Variants in CDK19 observed in about 807,000 individuals in gnomAD.
The protein encoded by CDK19 is cyclin-dependent kinase 19.
In CDK19, 20 loss-of-function variants were observed where a neutral mutation model predicts 68.3. The observed-to-expected ratio is 0.29, with a 90% CI of 0.21 to 0.43. CDK19 has a LOEUF of 0.43. Ranked by LOEUF, CDK19 falls within the 20% of genes least tolerant of loss-of-function variation. CDK19 has a pLI of 1.00. For synonymous variants in CDK19, 221 were observed against 222.8 expected (o/e 0.99, Z 0.07); for missense variants, 339 against 623.5 (o/e 0.54, Z 4.86).
chr6:110,705,659 T>C (rs1049697776), intron 2 of CDK19, among the ~76,000 whole-genome samples: 1 of 152,232 alleles, frequency 6.6e-6, no homozygotes, highest in Non-Finnish European at 1.5e-5. Context: ...GAGAGGATAT[T>C]GTTATGAAAA....
chr6:110,809,394 C>T (rs1201163952), intron 1 of CDK19, among the ~76,000 whole-genome samples: 1 of 152,034 alleles, frequency 6.6e-6, no homozygotes, highest in South Asian at 2.1e-4. Context: ...GCACGTGCAT[C>T]TGTGGTCCTA....
At chr6:110,718,965 C>G (rs1478858971) in intron 2 of CDK19, among the ~76,000 whole-genome samples, 2 of 152,016 alleles carry the variant, frequency 1.3e-5, no homozygotes, top group Admixed American at 1.3e-4. Flanking sequence ...GTAAAGAGTT[C>G]TAAAGTCCTT....
rs540340343 is a variant in CDK19, at chr6:110,783,615, G to A, written c.128+31394C>T. Among the ~76,000 whole-genome samples, 190 of 150,634 alleles carry A rather than the reference G, an allele frequency of 1.3e-3. 1 individual carries two copies. The highest frequency in any genetic ancestry group is 4.4e-3 in the African/African-American group (181 of 41,042). On this transcript the variant is annotated intron_variant, in intron 1 of 12. Coordinates refer to ENST00000368911, the MANE Select transcript of CDK19 (RefSeq NM_015076.5). ...ATCACACCATTGCTCTCCAGCCTGG[G>A]TGACAGAGTGAGATTCTGTCTCAAA... is the stretch of plus-strand genomic sequence containing the variant.
intron 1 of CDK19, among the ~76,000 whole-genome samples, chr6:110,793,453 C>T (rs1436200497): frequency 6.6e-6 from 1 of 152,142 alleles, no homozygotes; most frequent in Non-Finnish European, 1.5e-5. Flanking sequence ...TTTATACTTA[C>T]ATGGACATGA....
intron 4 of CDK19, chr6:110,646,497 G>T (rs1780586783): frequency 1.4e-6 from 2 of 1,423,566 alleles, no homozygotes; most frequent in Admixed American, 2.6e-5. Flanking sequence ...TTCTGTGCCA[G>T]CGTGGTGCCC....
chr6:110,732,832 C>G (rs991122247), intron 2 of CDK19, among the ~76,000 whole-genome samples: 1 of 151,858 alleles, frequency 6.6e-6, no homozygotes, highest in African/African-American at 2.4e-5. Context: ...TGTGGAGGGC[C>G]GAGGCAGGCG....
At chr6:110,814,736 C>G in intron 1 of CDK19, 1 of 631,718 alleles carries the variant, frequency 1.6e-6, no homozygotes, top group Non-Finnish European at 2.9e-6. Context: ...CGAGTCCCCC[C>G]GCCGTCTCCG....
chr6:110,753,215 C>G (rs1778595035), intron 1 of CDK19, among the ~76,000 whole-genome samples: 2 of 152,070 alleles, frequency 1.3e-5, no homozygotes, highest in Non-Finnish European at 2.9e-5. Flanking sequence ...CAGGCGTGAG[C>G]CACCACACCT....
At chr6:110,646,969 G>A (rs1432880950) in intron 4 of CDK19, among the ~76,000 whole-genome samples, 2 of 151,966 alleles carry the variant, frequency 1.3e-5, no homozygotes. Flanking sequence ...AATCCTCGTG[G>A]CTGCAAGGAC....
At chr6:110,620,715 G>A (rs1778655681) in intron 12 of CDK19, among the ~76,000 whole-genome samples, 1 of 152,112 alleles carries the variant, frequency 6.6e-6, no homozygotes, top group Admixed American at 6.5e-5. Context: ...CTCCCAGAAA[G>A]AGCATATCTT....
chr6:110,664,743 T>G (rs974718892), intron 4 of CDK19, among the ~76,000 whole-genome samples: 1 of 152,092 alleles, frequency 6.6e-6, no homozygotes, highest in Non-Finnish European at 1.5e-5. Context: ...ACTGCTATAA[T>G]ACTAATAGAT....
At chr6:110,761,388 A>T (rs1779220238) in intron 1 of CDK19, among the ~76,000 whole-genome samples, 2 of 152,212 alleles carry the variant, frequency 1.3e-5, no homozygotes, top group Admixed American at 1.3e-4. Flanking sequence ...AAGTGGATGG[A>T]TCTTACAGGT....
chr6:110,690,525 G>A (rs1450094087), intron 2 of CDK19, among the ~76,000 whole-genome samples: 1 of 152,116 alleles, frequency 6.6e-6, no homozygotes, highest in Non-Finnish European at 1.5e-5. Flanking sequence ...TGAGCACAAT[G>A]GGTTTCTACC....
At chr6:110,709,665 T>C (rs1453513322) in intron 2 of CDK19, among the ~76,000 whole-genome samples, 3 of 152,110 alleles carry the variant, frequency 2.0e-5, no homozygotes, top group Non-Finnish European at 4.4e-5. Flanking sequence ...AAAGGAAAAA[T>C]GTATTTTCCA....
intron 2 of CDK19, among the ~76,000 whole-genome samples, chr6:110,676,858 T>C (rs991383805): frequency 1.3e-4 from 20 of 152,356 alleles, no homozygotes; most frequent in African/African-American, 4.8e-4. Flanking sequence ...TTTACTGCAG[T>C]GGTCTGGAAC....
In CDK19 at chr6:110,683,876, T is replaced by A. The variant is rs1213312120; in HGVS notation, c.205-13335A>T. ...GCCACCATGTCTAGCTCATTTTTTG[T>A]ATTTTTTTTTTTTTTAGTGGAGATG... On this transcript the variant is annotated intron_variant, in intron 2 of 12. Transcript: ENST00000368911. Among the ~76,000 whole-genome samples the A allele has an allele frequency of 6.0e-5, 9 of 150,526 alleles. No individual in the cohort carries two copies. The East Asian group carries it at 1.6e-3, about 26-fold the overall frequency.
chr6:110,734,308 C>T (rs2114812575), intron 2 of CDK19, among the ~76,000 whole-genome samples: 1 of 152,196 alleles, frequency 6.6e-6, no homozygotes. Flanking sequence ...CCACACCCAG[C>T]CATTTCATCA....
intron 2 of CDK19, among the ~76,000 whole-genome samples, chr6:110,726,164 G>A (rs962019426): frequency 1.3e-5 from 2 of 152,110 alleles, no homozygotes; most frequent in Non-Finnish European, 2.9e-5. Flanking sequence ...AGTATTTCAT[G>A]ATGCAACTGT....
At chr6:110,714,280 T>C (rs372130949) in intron 2 of CDK19, among the ~76,000 whole-genome samples, 2 of 152,232 alleles carry the variant, frequency 1.3e-5, no homozygotes, top group South Asian at 2.1e-4. Context: ...TTCCCTTATA[T>C]GGATATAGCA....
Sources: allele counts gnomAD v4.1 joint callset (sites outside exome capture counted in the v4.1 genomes callset), GRCh38; gene constraint gnomAD v4.1.1; transcripts MANE v1.5; gene names NCBI Gene and HGNC (gene_info 2026-07-23, HGNC 2026-07-21).